The following NFASC variants were observed in gnomAD, a reference collection of about 807,000 sequenced individuals.
NFASC encodes neurofascin.
A neutral mutation model predicts 147.5 loss-of-function variants in NFASC; 43 were observed. The observed-to-expected ratio is 0.29, with a 90% CI of 0.23 to 0.38. The LOEUF is 0.38. Ranked by LOEUF, NFASC falls within the 10% of genes least tolerant of loss-of-function variation. The pLI is 1.00. For missense variants in NFASC, 1,320 were observed against 1,689.0 expected (o/e 0.78, Z 3.83); for synonymous variants, 622 against 665.5 (o/e 0.93, Z 1.01).
chr1:204,964,515 A>G (rs1457776672), intron 8 of NFASC, among the ~76,000 whole-genome samples: 3 of 152,286 alleles, frequency 2.0e-5, no homozygotes, highest in Non-Finnish European at 4.4e-5. Context: ...AGCTGTGCTG[A>G]GAACTGCATA....
chr1:204,897,586 T>C (rs1380653235), intron 1 of NFASC, among the ~76,000 whole-genome samples: 1 of 152,106 alleles, frequency 6.6e-6, no homozygotes, highest in Non-Finnish European at 1.5e-5. Context: ...TCCTTTTTTT[T>C]TTTTTTAGAT....
chr1:204,893,103 A>T (rs1380866071), intron 1 of NFASC, among the ~76,000 whole-genome samples: 1 of 152,210 alleles, frequency 6.6e-6, no homozygotes, highest in African/African-American at 2.4e-5. Flanking sequence ...GAGCCAAAAT[A>T]TAGGAGTTGG....
chr1:204,908,212 G>A (rs982407804), intron 1 of NFASC, among the ~76,000 whole-genome samples: 2 of 152,190 alleles, frequency 1.3e-5, no homozygotes, highest in African/African-American at 2.4e-5. Context: ...AAGCTCCTAG[G>A]TTCAGGCAAT....
At chr1:204,946,275 A>G (rs1248266518) in intron 3 of NFASC, 1 of 500,910 alleles carries the variant, frequency 2.0e-6, no homozygotes, top group Non-Finnish European at 4.0e-6. Flanking sequence ...AAGTGAGCTA[A>G]GTGCTGCATG....
Position 204,954,420 on chromosome 1 carries a change from C to T in NFASC, c.412+36C>T, listed in dbSNP as rs1332150282. ...TGGGGCAGGGCTGAAATGCCCTGCTCCTGGGTAAATGGAGAGTGGGGGGTG... is the reference window on the plus strand; with the variant it reads ...TGGGGCAGGGCTGAAATGCCCTGCTTCTGGGTAAATGGAGAGTGGGGGGTG... On this transcript the variant is annotated intron_variant, in intron 6 of 29. Transcript: ENST00000339876. The surrounding 1 kb of genome is among the most constrained non-coding windows in gnomAD (Gnocchi z 5.7). 1.9e-6 allele frequency: 3 copies of T among 1,596,420 alleles called. No individual in the cohort carries two copies. Among genetic ancestry groups the T allele is most frequent in the Non-Finnish European group, 2.6e-6 (3 of 1,168,648 alleles).
intron 27 of NFASC, among the ~76,000 whole-genome samples, chr1:205,007,913 G>A (rs1402688340): frequency 6.6e-6 from 1 of 152,186 alleles, no homozygotes; most frequent in East Asian, 1.9e-4. Context: ...GTGGGGGGTT[G>A]GAAAGATCAC....
chr1:204,830,657 T>TAGAGAGAG lies in NFASC; in HGVS notation c.-200+1889_-200+1896dup, dbSNP rs10671660. On this transcript the variant is annotated intron_variant, in intron 1 of 29. Transcript: ENST00000339876. ...GTGTGTGTGTTGTGTGATGTGTGTA[T>TAGAGAGAG]AGAGAGAGAGAGAGAGAGAGAATTA... is the stretch of plus-strand genomic sequence containing the variant. 3.0e-3 allele frequency among the ~76,000 whole-genome samples: 435 copies of TAGAGAGAG among 147,208 alleles called. 11 individuals carry two copies. In the South Asian group the frequency reaches 0.048, roughly 16 times the overall value.
At chr1:204,852,130 A>G (rs1426695755) in intron 1 of NFASC, among the ~76,000 whole-genome samples, 1 of 152,220 alleles carries the variant, frequency 6.6e-6, no homozygotes, top group Non-Finnish European at 1.5e-5. Flanking sequence ...CTTTCTAATC[A>G]TGGGAATCAC....
chr1:204,871,011 C>T, intron 1 of NFASC: 5 of 1,289,640 alleles, frequency 3.9e-6, no homozygotes, highest in Non-Finnish European at 5.1e-6. Flanking sequence ...CCACCTGTCC[C>T]CATGGAGGGA....
chr1:204,991,826 G>T (rs568848760), intron 24 of NFASC, among the ~76,000 whole-genome samples: 2 of 152,208 alleles, frequency 1.3e-5, no homozygotes, highest in Admixed American at 1.3e-4. Flanking sequence ...CAGCCACCAC[G>T]GGCTCTGCTC....
At chr1:204,830,005 G>GA (rs1301416282) in intron 1 of NFASC, among the ~76,000 whole-genome samples, 1 of 89,850 alleles carries the variant, frequency 1.1e-5, no homozygotes, top group Non-Finnish European at 2.5e-5. Flanking sequence ...TTTTGGCATG[G>GA]GGTGTGTGTG....
intron 1 of NFASC, chr1:204,870,592 C>T (rs772016820): frequency 1.1e-5 from 10 of 882,554 alleles, no homozygotes; most frequent in Non-Finnish European, 1.4e-5. Flanking sequence ...GTCTCTCTGT[C>T]TATCCCCTCA....
chr1:204,963,227 C>T (rs1172811404), intron 8 of NFASC, among the ~76,000 whole-genome samples: 3 of 152,190 alleles, frequency 2.0e-5, no homozygotes, highest in African/African-American at 7.2e-5. Flanking sequence ...ACACTGAGAT[C>T]CTGCCAAAGA....
intron 2 of NFASC, among the ~76,000 whole-genome samples, chr1:204,922,783 A>G (rs960639536): frequency 3.3e-5 from 5 of 152,106 alleles, no homozygotes; most frequent in Admixed American, 6.5e-5. Context: ...AAGACATAAG[A>G]CTGCAGAGAC....
intron 15 of NFASC, among the ~76,000 whole-genome samples, chr1:204,976,056 G>A (rs2095395530): frequency 6.6e-6 from 1 of 152,174 alleles, no homozygotes; most frequent in African/African-American, 2.4e-5. Context: ...CCACCCCGAG[G>A]GAGCAAAGTT....
At chr1:204,867,409 C>CCACACACACA (rs34586429) in intron 1 of NFASC, among the ~76,000 whole-genome samples, 105 of 146,914 alleles carry the variant, frequency 7.1e-4, no homozygotes, top group African/African-American at 2.5e-3. Context: ...TCAGAACTCA[C>CCACACACACA]CACACACACA....
In NFASC at chr1:205,016,200, G is replaced by A. The variant is rs968375145; in HGVS notation, c.3492-108G>A. The A allele has an allele frequency of 6.5e-6, 5 of 768,050 alleles. No individual in the cohort carries two copies. In the African/African-American group the frequency reaches 6.8e-5, roughly 10 times the overall value. The allele number at this position is 768,050 out of a possible 1,614,324, so 47.6% of individuals were successfully genotyped here. ...GGAGGGTGAAGCGGGGGCTGGACTGGGCGGTCTCCTGGATCCCATCCTCTC... is the reference window on the plus strand; with the variant it reads ...GGAGGGTGAAGCGGGGGCTGGACTGAGCGGTCTCCTGGATCCCATCCTCTC... On this transcript the variant is annotated intron_variant, in intron 29 of 29. Transcript: ENST00000339876. This position sits in a 1 kb window ranked among gnomAD's most constrained non-coding sequence, Gnocchi z 5.1.
rs181418039 is a variant in NFASC at position 204,952,195 on chromosome 1, G to A, written c.215+79G>A. 10 of 1,135,262 alleles carry A rather than the reference G, an allele frequency of 8.8e-6. No homozygotes were observed. In the African/African-American group the frequency reaches 1.5e-4, roughly 17 times the overall value. 70.3% of individuals were successfully genotyped at this position (1,135,262 alleles called of 1,614,324 possible). On this transcript the variant is annotated intron_variant, in intron 5 of 29. Transcript: ENST00000339876. ...GATGATAACTAAGGCAAATGAGGCA[G>A]CAGGAAAATTGGACTCATCCATTCC...
intron 1 of NFASC, among the ~76,000 whole-genome samples, chr1:204,873,159 A>G (rs1187851343): frequency 1.4e-5 from 1 of 71,528 alleles, no homozygotes; most frequent in Non-Finnish European, 2.0e-5. Context: ...CCTTCCAGGC[A>G]CCTTGCATTT....
Sources: allele counts gnomAD v4.1 joint callset (sites outside exome capture counted in the v4.1 genomes callset), GRCh38; gene constraint gnomAD v4.1.1; non-coding constraint Gnocchi (gnomAD v3.1); transcripts MANE v1.5; gene names NCBI Gene and HGNC (gene_info 2026-07-23, HGNC 2026-07-21).